The following THOC2 variants were observed in gnomAD, a reference collection of about 807,000 sequenced individuals.
The protein encoded by THOC2 is THO complex subunit 2.
In THOC2, 10 loss-of-function variants were observed where a neutral mutation model predicts 128.4. That is an observed-to-expected ratio of 0.08 (90% CI 0.05 to 0.13). The LOEUF is 0.13. THOC2 is among the 10% of genes least tolerant of loss of function. The pLI is 1.00. For missense variants in THOC2, 535 were observed against 1,155.7 expected, an observed-to-expected ratio of 0.46 and a Z score of 7.79; for synonymous variants, 393 against 396.9, an observed-to-expected ratio of 0.99 and a Z score of 0.12.
chrX:123,629,250 T>C (rs868337087), intron 22 of THOC2, among the ~76,000 whole-genome samples: 5 of 74,591 alleles, frequency 6.7e-5, no homozygotes, highest in East Asian at 9.1e-4. Context: ...CACACACATA[T>C]ATATGAAGAT....
intron 25 of THOC2, among the ~76,000 whole-genome samples, chrX:123,624,947 A>C (rs1328500951): frequency 9.0e-6 from 1 of 111,518 alleles, no homozygotes; most frequent in Non-Finnish European, 1.9e-5. Flanking sequence ...TTACATAATA[A>C]GTTGTTTTTT....
At chrX:123,642,257 CT>C (rs2047950121) in intron 15 of THOC2, among the ~76,000 whole-genome samples, 1 of 109,554 alleles carries the variant, frequency 9.1e-6, no homozygotes, top group Non-Finnish European at 1.9e-5. Context: ...AACCCCGTCT[CT>C]ACTAAAAATA....
chrX:123,709,516 A>G (rs767903539), intron 2 of THOC2, among the ~76,000 whole-genome samples: 5 of 111,311 alleles, frequency 4.5e-5, no homozygotes, highest in East Asian at 2.9e-4. Flanking sequence ...GCATGAACCC[A>G]GGAGGCGGAG....
intron 1 of THOC2, among the ~76,000 whole-genome samples, chrX:123,721,924 C>T (rs1162497586): frequency 8.9e-6 from 1 of 112,177 alleles, no homozygotes; most frequent in Non-Finnish European, 1.9e-5. Context: ...AGCACTTGTG[C>T]GATTGTTTGA....
Position 123,642,241 on chromosome X carries a change from T to C in THOC2, c.1662-1619A>G, listed in dbSNP as rs181208255. ...GAGTTCGAGACCAGCCTGGCCAACA[T>C]GGTGAAACCCCGTCTCTACTAAAAA... On this transcript the variant is annotated intron_variant, in intron 15 of 38. Coordinates refer to ENST00000245838, the MANE Select transcript of THOC2 (RefSeq NM_001081550.2). Among the ~76,000 whole-genome samples, 221 of 110,688 alleles carry C rather than the reference T, an allele frequency of 2.0e-3. 1 individual carries two copies. Among genetic ancestry groups the C allele is most frequent in the Middle Eastern group, 4.7e-3 (1 of 214 alleles).
chrX:123,628,117 GAAC>G (rs2047332355), intron 22 of THOC2, 149 bp from the exon 23 acceptor site: 2 of 486,537 alleles, frequency 4.1e-6, no homozygotes, highest in Non-Finnish European at 6.7e-6. Context: ...AGTTTCTTAT[GAAC>G]AACGTTTATT....
At chrX:123,603,491 C>T (rs764250884) in intron 38 of THOC2, 4 of 531,080 alleles carry the variant, frequency 7.5e-6, no homozygotes, top group East Asian at 3.6e-5. Context: ...TGGTGTATCT[C>T]GAGTAAAAAA....
chrX:123,637,605 CA>C (rs751121224), intron 18 of THOC2, among the ~76,000 whole-genome samples: 28 of 110,415 alleles, frequency 2.5e-4, no homozygotes, highest in Non-Finnish European at 4.9e-4. Context: ...AACGAAAATA[CA>C]AAAATTAGCT....
chrX:123,660,148 T>C (rs956691218), intron 12 of THOC2, among the ~76,000 whole-genome samples: 22 of 111,854 alleles, frequency 2.0e-4, no homozygotes, highest in Non-Finnish European at 3.4e-4. Flanking sequence ...TCTGCAAGAA[T>C]AGACTGGAGT....
chrX:123,630,482 G>A (rs1054085806), intron 22 of THOC2, among the ~76,000 whole-genome samples: 1 of 108,236 alleles, frequency 9.2e-6, no homozygotes, highest in Non-Finnish European at 1.9e-5. Flanking sequence ...GTGTGGTGGC[G>A]GGCACCTGTA....
At position 123,600,799 on chromosome X, in the gene THOC2, C is replaced by CT. The variant is rs1043101349; in HGVS notation, c.*557dup. Reference sequence around the variant, plus strand: ...GCAAGGGACAAGTGATCGCTGGTACCTTTTTCTTTTTTAAACACGTTTAAT... The same window carrying CT: ...GCAAGGGACAAGTGATCGCTGGTACCTTTTTTCTTTTTTAAACACGTTTAAT... On this transcript the variant is annotated 3_prime_UTR_variant, in exon 39 of 39. Coordinates refer to ENST00000245838, the MANE Select transcript of THOC2 (RefSeq NM_001081550.2). 1 of 111,962 alleles carries CT rather than the reference C, an allele frequency of 8.9e-6. No homozygotes were observed. The highest frequency in any genetic ancestry group is 3.2e-5 in the African/African-American group (1 of 30,776). 9.2% of individuals were successfully genotyped at this position (111,962 alleles called of 1,213,427 possible). A position where few individuals can be genotyped will look rare whatever the true frequency, so the allele number is the denominator to read the frequency against.
At chrX:123,692,754 G>A (rs2050278550) in intron 7 of THOC2, among the ~76,000 whole-genome samples, 1 of 110,611 alleles carries the variant, frequency 9.0e-6, no homozygotes, top group Admixed American at 9.6e-5. Context: ...TGCCCACCTC[G>A]GCCACCCAGA....
intron 37 of THOC2, 139 bp from the exon 38 acceptor site, chrX:123,611,102 T>C (rs1332854733): frequency 7.6e-6 from 4 of 527,739 alleles, no homozygotes; most frequent in Non-Finnish European, 1.2e-5. Flanking sequence ...CAGCTCTGCT[T>C]GTCTGACTCA....
Position 123,716,260 on chromosome X carries a change from A to G in THOC2, c.72-3352T>C, listed in dbSNP as rs566000317. ...CCGAAAAAGCATTTGACAAAATTCA[A>G]TATCCTTATGATAAAACTCTCAACA... is the stretch of plus-strand genomic sequence containing the variant. On this transcript the variant is annotated intron_variant, in intron 1 of 38. Transcript: ENST00000245838. Among the ~76,000 whole-genome samples the G allele has an allele frequency of 1.8e-4, 20 of 112,904 alleles. No individual in the cohort carries two copies. In the South Asian group the frequency reaches 6.8e-3, roughly 39 times the overall value.
rs746170220 is a variant in THOC2 at position 123,682,008 on chromosome X, G to A, written c.768+4540C>T. On this transcript the variant is annotated intron_variant, in intron 8 of 38. Coordinates refer to ENST00000245838, the MANE Select transcript of THOC2 (RefSeq NM_001081550.2). ...CAGGAGGCAGAGGTTGCGATGAGCC[G>A]AGATTGCGCCATGCGCTCCAGCCTG... Among the ~76,000 whole-genome samples the A allele has an allele frequency of 8.1e-5, 9 of 111,697 alleles. No individual in the cohort carries two copies. In the East Asian group the frequency reaches 2.2e-3, roughly 28 times the overall value.
chrX:123,671,356 T>G (rs972622740), intron 9 of THOC2, among the ~76,000 whole-genome samples: 1 of 111,691 alleles, frequency 9.0e-6, no homozygotes, highest in African/African-American at 3.3e-5. Flanking sequence ...ACTTGGCCTC[T>G]CTCCCCATGA....
chrX:123,630,594 C>T (rs2047437849), intron 22 of THOC2, among the ~76,000 whole-genome samples: 1 of 77,549 alleles, frequency 1.3e-5, no homozygotes, highest in Non-Finnish European at 2.2e-5. Flanking sequence ...GCCTGGAAGA[C>T]AGAGCGAGAC....
intron 32 of THOC2, chrX:123,620,006 C>A (rs2047027659): frequency 9.2e-6 from 1 of 109,258 alleles, no homozygotes; most frequent in African/African-American, 3.3e-5. Flanking sequence ...CTCCCACACA[C>A]AAAGAAAGCA....
chrX:123,624,780 A>C, intron 25 of THOC2, 111 bp from the exon 26 acceptor site: 1 of 715,858 alleles, frequency 1.4e-6, no homozygotes, highest in Non-Finnish European at 2.0e-6. Flanking sequence ...GCCTAGTCAA[A>C]ATGTATATTC....
Sources: gnomAD v4.1 joint callset for allele counts (sites outside exome capture counted in the v4.1 genomes callset) on GRCh38, gnomAD v4.1.1 for gene constraint, MANE v1.5 for transcripts, NCBI Gene and HGNC (gene_info 2026-07-23, HGNC 2026-07-21) for gene names.